HRH1: variants seen among roughly 807,000 people sequenced by gnomAD.
HRH1 encodes histamine receptor H1, also known as histamine H1 receptor.
In HRH1, 6 loss-of-function variants were observed where a neutral mutation model predicts 10.3. That is an observed-to-expected ratio of 0.58 (90% CI 0.32 to 1.15). HRH1 has a LOEUF of 1.15. HRH1 is among the 50% of genes most tolerant of loss of function. The pLI, the probability that HRH1 is intolerant of heterozygous loss-of-function variation, is 0.05. For synonymous variants in HRH1, 242 were observed against 236.7 expected (o/e 1.02, Z -0.21); for missense variants, 514 against 615.3 (o/e 0.84, Z 1.74).
chr3:11,186,053 C>T (rs868819977), intron 1 of HRH1, among the ~76,000 whole-genome samples: 5 of 152,180 alleles, frequency 3.3e-5, no homozygotes, highest in African/African-American at 1.2e-4. Flanking sequence ...CCTTGCTCCT[C>T]CTGCCCACCT....
In HRH1 at chr3:11,260,695, T is replaced by G; in HGVS notation, c.*194T>G. 1 of 539,920 alleles carries G rather than the reference T, an allele frequency of 1.9e-6. No individual in the cohort carries two copies. The highest frequency in any genetic ancestry group is 3.5e-5 in the South Asian group (1 of 28,418). The allele number at this position is 539,920 out of a possible 1,614,324, so 33.4% of individuals were successfully genotyped here. On this transcript the variant is annotated 3_prime_UTR_variant, in exon 2 of 2. Transcript: ENST00000431010. Reference sequence around the variant, plus strand: ...AGATGGCGGTGATCAGCAGAGAGATTGAACTTTGAGGAGGAAGCAGAATCT... The same window carrying G: ...AGATGGCGGTGATCAGCAGAGAGATGGAACTTTGAGGAGGAAGCAGAATCT...
In HRH1 at chr3:11,260,851, A is replaced by C; in HGVS notation, c.*350A>C. The stretch of plus-strand genomic sequence containing the variant: ...CAGGAACTATGGGAGCCTCAGACTC[A>C]TTGTAATTCAAGCTTTCCGAGTCAA... On this transcript the variant is annotated 3_prime_UTR_variant, in exon 2 of 2. Transcript: ENST00000431010. 4.4e-6 allele frequency: 1 copy of C among 224,798 alleles called. No homozygotes were observed. The allele number at this position is 224,798 out of a possible 1,614,324, so 13.9% of individuals were successfully genotyped here.
At chr3:11,253,834 C>T (rs1939713995) in intron 1 of HRH1, among the ~76,000 whole-genome samples, 1 of 152,134 alleles carries the variant, frequency 6.6e-6, no homozygotes, top group Admixed American at 6.5e-5. Flanking sequence ...GACATTAACT[C>T]GTCTAAAGTA....
chr3:11,209,677 G>T (rs1039578950), intron 1 of HRH1, among the ~76,000 whole-genome samples: 2 of 152,168 alleles, frequency 1.3e-5, no homozygotes, highest in Non-Finnish European at 2.9e-5. Context: ...TGCCACCATG[G>T]CCAGGCTCTG....
At chr3:11,218,070 C>A (rs1395336389) in intron 1 of HRH1, among the ~76,000 whole-genome samples, 1 of 152,156 alleles carries the variant, frequency 6.6e-6, no homozygotes, top group Non-Finnish European at 1.5e-5. Context: ...ATGAGGAACT[C>A]ACAAATTTAA....
intron 1 of HRH1, among the ~76,000 whole-genome samples, chr3:11,212,832 G>A (rs887674842): frequency 4.4e-5 from 6 of 137,654 alleles, no homozygotes; most frequent in Non-Finnish European, 8.5e-5. Context: ...GAGGCCCTCC[G>A]TGATCTAACC....
At chr3:11,190,483 C>T (rs1258145650) in intron 1 of HRH1, among the ~76,000 whole-genome samples, 3 of 151,966 alleles carry the variant, frequency 2.0e-5, no homozygotes, top group Non-Finnish European at 2.9e-5. Context: ...CTCTGCCTCC[C>T]GAGTTCAAGC....
At chr3:11,242,756 G>GA (rs1187898452) in intron 1 of HRH1, among the ~76,000 whole-genome samples, 1 of 152,154 alleles carries the variant, frequency 6.6e-6, no homozygotes, top group East Asian at 1.9e-4. Context: ...GGGAAAAGTA[G>GA]AAAAGTGGAC....
chr3:11,216,007 T>C (rs1938479566), intron 1 of HRH1, among the ~76,000 whole-genome samples: 1 of 152,190 alleles, frequency 6.6e-6, no homozygotes, highest in Admixed American at 6.5e-5. Flanking sequence ...ATGTTAGGGA[T>C]CTATGATTTA....
intron 1 of HRH1, among the ~76,000 whole-genome samples, chr3:11,191,853 C>T (rs1019958980): frequency 2.6e-5 from 4 of 152,210 alleles, no homozygotes; most frequent in African/African-American, 2.4e-5. Flanking sequence ...TATAGCAACC[C>T]TAGTCCCTAG....
At chr3:11,157,093 C>G (rs1936822640) in intron 1 of HRH1, among the ~76,000 whole-genome samples, 1 of 152,206 alleles carries the variant, frequency 6.6e-6, no homozygotes, top group African/African-American at 2.4e-5. Flanking sequence ...TGGCTTTGTT[C>G]TGACGAGCAT....
chr3:11,235,440 C>T (rs976540326), intron 1 of HRH1, among the ~76,000 whole-genome samples: 1 of 152,168 alleles, frequency 6.6e-6, no homozygotes, highest in Non-Finnish European at 1.5e-5. Context: ...CCTGGCTCCC[C>T]ACTTCGCTTC....
At chr3:11,185,562 ACT>A (rs1937438708) in intron 1 of HRH1, among the ~76,000 whole-genome samples, 2 of 151,874 alleles carry the variant, frequency 1.3e-5, no homozygotes, top group Admixed American at 1.3e-4. Context: ...CTAAACAGAC[ACT>A]CCACTTTGGC....
chr3:11,195,350 A>G lies in HRH1; in HGVS notation c.-36+40796A>G, dbSNP rs1025225984. Among the ~76,000 whole-genome samples the G allele has an allele frequency of 3.3e-5, 5 of 152,224 alleles. No individual in the cohort carries two copies. In the East Asian group the frequency reaches 9.6e-4, roughly 29 times the overall value. On this transcript the variant is annotated intron_variant, in intron 1 of 1. Transcript: ENST00000431010. Reference sequence around the variant, plus strand: ...CAAACTGCCAACGTGAGGAGAAACCATAAACAGCTGTGCCTGGGGCTAGGT... The same window carrying G: ...CAAACTGCCAACGTGAGGAGAAACCGTAAACAGCTGTGCCTGGGGCTAGGT...
At chr3:11,232,710 C>T (rs539273154) in intron 1 of HRH1, among the ~76,000 whole-genome samples, 3 of 152,266 alleles carry the variant, frequency 2.0e-5, no homozygotes, top group South Asian at 2.1e-4. Context: ...TAAATCTGTA[C>T]GTTAATTTGG....
At chr3:11,142,657 G>A (rs1476162998) in intron 1 of HRH1, among the ~76,000 whole-genome samples, 4 of 152,224 alleles carry the variant, frequency 2.6e-5, no homozygotes, top group Non-Finnish European at 4.4e-5. Flanking sequence ...GCTCACGCCT[G>A]TAATTCCAGC....
chr3:11,167,594 C>T (rs551270667), intron 1 of HRH1, among the ~76,000 whole-genome samples: 58 of 152,390 alleles, frequency 3.8e-4, no homozygotes, highest in African/African-American at 1.4e-3. Context: ...ATGGTTTGTG[C>T]AGCCTCATGG....
chr3:11,163,057 T>C (rs1346554611), intron 1 of HRH1, among the ~76,000 whole-genome samples: 1 of 152,088 alleles, frequency 6.6e-6, no homozygotes, highest in Non-Finnish European at 1.5e-5. Flanking sequence ...GAGGTCTAGT[T>C]GGGAAGGAGA....
At chr3:11,222,432 CAAATACCAA>C (rs1221261031) in intron 1 of HRH1, among the ~76,000 whole-genome samples, 1 of 152,216 alleles carries the variant, frequency 6.6e-6, no homozygotes, top group East Asian at 1.9e-4. Context: ...AATTTTAACT[CAAATACCAA>C]AATCTAGGGC....
Sources: allele counts gnomAD v4.1 joint callset (sites outside exome capture counted in the v4.1 genomes callset), GRCh38; gene constraint gnomAD v4.1.1; transcripts MANE v1.5; gene names NCBI Gene and HGNC (gene_info 2026-07-23, HGNC 2026-07-21).